The following DDC variants were observed in gnomAD, a reference collection of about 807,000 sequenced individuals.
The protein encoded by DDC is aromatic-L-amino-acid decarboxylase.
Under a neutral mutation model 60.0 loss-of-function variants are expected in DDC, and 43 were observed. The observed-to-expected ratio is 0.72, with a 90% CI of 0.56 to 0.92. The LOEUF (loss-of-function observed/expected upper bound fraction) is 0.92. DDC is among the 40% of genes least tolerant of loss of function. The pLI, the probability that DDC is intolerant of heterozygous loss-of-function variation, is 0.00. For missense variants in DDC, 573 were observed against 620.2 expected, an observed-to-expected ratio of 0.92 and a Z score of 0.81; for synonymous variants, 232 against 234.6, an observed-to-expected ratio of 0.99 and a Z score of 0.10.
At chr7:50,459,873 AGGGAGGTGGGGGGG>A (rs2042220822) in intron 14 of DDC, among the ~76,000 whole-genome samples, 3 of 134,214 alleles carry the variant, frequency 2.2e-5, no homozygotes, top group African/African-American at 6.2e-5. Context: ...CCCGTCCGGG[AGGGAGGTGGGGGGG>A]TCAGCCCCCC....
At chr7:50,465,602 C>T (rs1198664349) in intron 13 of DDC, among the ~76,000 whole-genome samples, 1 of 152,210 alleles carries the variant, frequency 6.6e-6, no homozygotes, top group African/African-American at 2.4e-5. Context: ...GAACTCCTGA[C>T]CTCAAGTGAT....
intron 7 of DDC, 90 bp downstream of exon 7, chr7:50,503,903 A>C: frequency 6.4e-6 from 6 of 935,664 alleles, no homozygotes; most frequent in Non-Finnish European, 1.1e-5. Context: ...TATGAAGTTA[A>C]CGACAAGAAA....
At chr7:50,522,701 A>G (rs530676594) in intron 6 of DDC, among the ~76,000 whole-genome samples, 1 of 152,364 alleles carries the variant, frequency 6.6e-6, no homozygotes, top group Non-Finnish European at 1.5e-5. Flanking sequence ...CATCTGCATT[A>G]GTCCATTCTC....
chr7:50,556,923 C>A (rs1310737530), intron 1 of DDC, among the ~76,000 whole-genome samples: 1 of 152,176 alleles, frequency 6.6e-6, no homozygotes, highest in African/African-American at 2.4e-5. Context: ...AGCTCTGCGG[C>A]AAGAGGCATG....
intron 6 of DDC, among the ~76,000 whole-genome samples, chr7:50,505,372 T>C (rs1049959298): frequency 1.3e-4 from 20 of 152,220 alleles, no homozygotes; most frequent in Non-Finnish European, 5.9e-5. Flanking sequence ...GTCTAGATAA[T>C]GAAATTTCTT....
At chr7:50,496,535 G>T (rs893626419) in intron 8 of DDC, among the ~76,000 whole-genome samples, 2 of 152,114 alleles carry the variant, frequency 1.3e-5, no homozygotes, top group Non-Finnish European at 2.9e-5. Context: ...GAAAATAAGA[G>T]GTTTAAACCA....
chr7:50,506,667 T>G (rs1049143371), intron 6 of DDC, among the ~76,000 whole-genome samples: 1 of 152,218 alleles, frequency 6.6e-6, no homozygotes, highest in South Asian at 2.1e-4. Context: ...AGTTAAACCA[T>G]GTATGTGGGG....
intron 1 of DDC, among the ~76,000 whole-genome samples, chr7:50,558,201 C>A (rs7803788): frequency 2.0e-5 from 3 of 151,564 alleles, no homozygotes; most frequent in African/African-American, 7.3e-5. Flanking sequence ...TGAGACAATT[C>A]GAATTATGTT....
chr7:50,482,114 A>T (rs2042782344), intron 9 of DDC, among the ~76,000 whole-genome samples: 1 of 152,200 alleles, frequency 6.6e-6, no homozygotes, highest in African/African-American at 2.4e-5. Context: ...AAGGTGAGCT[A>T]TGTTAAGGTT....
chr7:50,553,836 T>C (rs1309210493), intron 1 of DDC, among the ~76,000 whole-genome samples: 1 of 152,168 alleles, frequency 6.6e-6, no homozygotes, highest in Non-Finnish European at 1.5e-5. Context: ...ACCATAAAAA[T>C]ATTCAGTAGG....
At chr7:50,538,071 A>T in intron 3 of DDC, 92 bp from the exon 4 acceptor site, 1 of 1,491,284 alleles carries the variant, frequency 6.7e-7, no homozygotes, top group Non-Finnish European at 9.3e-7. Context: ...CTTCCACTAA[A>T]GCCCAGATTA....
chr7:50,526,182 G>A (rs1037942598), intron 6 of DDC, among the ~76,000 whole-genome samples: 5 of 152,126 alleles, frequency 3.3e-5, no homozygotes, highest in Non-Finnish European at 5.9e-5. Context: ...CTCCATTGGC[G>A]GCACAGAAGG....
intron 6 of DDC, among the ~76,000 whole-genome samples, chr7:50,516,372 A>G (rs1238473019): frequency 6.6e-6 from 1 of 152,152 alleles, no homozygotes; most frequent in African/African-American, 2.4e-5. Context: ...AAAATTCTTC[A>G]AACAGAACAA....
chr7:50,462,443 C>T (rs2042298993), intron 14 of DDC, among the ~76,000 whole-genome samples: 1 of 152,160 alleles, frequency 6.6e-6, no homozygotes, highest in Non-Finnish European at 1.5e-5. Flanking sequence ...CAGGGTTTAA[C>T]TATGAGGGGT....
intron 1 of DDC, among the ~76,000 whole-genome samples, chr7:50,555,100 G>A (rs530016269): frequency 3.9e-5 from 6 of 152,146 alleles, no homozygotes; most frequent in South Asian, 2.1e-4. Flanking sequence ...CAGGCTGTCC[G>A]TGCAAAGCTG....
chr7:50,460,345 G>A (rs182449959), intron 14 of DDC, among the ~76,000 whole-genome samples: 7,282 of 139,894 alleles, frequency 0.052, 309 homozygotes, highest in South Asian at 0.12. Flanking sequence ...CAGCCGCCCC[G>A]TCCAGGAAGG....
At chr7:50,541,767 C>A (rs1017498179) in intron 2 of DDC, among the ~76,000 whole-genome samples, 3 of 152,212 alleles carry the variant, frequency 2.0e-5, no homozygotes, top group Admixed American at 2.0e-4. Flanking sequence ...TGTAAGATAT[C>A]TCTTACAATC....
chr7:50,472,556 C>T (rs1381135201), intron 11 of DDC, among the ~76,000 whole-genome samples: 1 of 152,140 alleles, frequency 6.6e-6, no homozygotes, highest in African/African-American at 2.4e-5. Flanking sequence ...GGCTTGTGAC[C>T]TAGGTCCGTG....
In DDC at chr7:50,544,521, T is replaced by C. The variant is rs1364324859; in HGVS notation, c.-28-408A>G. Among the ~76,000 whole-genome samples, 3 of 152,294 alleles carry C rather than the reference T, an allele frequency of 2.0e-5. No homozygotes were observed. The East Asian group carries it at 5.8e-4, about 29-fold the overall frequency. Reference sequence around the variant, plus strand: ...CTCATCTGAGAAATGAAGACTGTGATGCTGACCTCTCAGGAGGGCATGAAG... The same window carrying C: ...CTCATCTGAGAAATGAAGACTGTGACGCTGACCTCTCAGGAGGGCATGAAG... On this transcript the variant is annotated intron_variant, in intron 1 of 14. Transcript: ENST00000444124.
Sources: allele counts gnomAD v4.1 joint callset (sites outside exome capture counted in the v4.1 genomes callset), GRCh38; gene constraint gnomAD v4.1.1; transcripts MANE v1.5; gene names NCBI Gene and HGNC (gene_info 2026-07-23, HGNC 2026-07-21).